The following FAM167A variants were observed in gnomAD, a reference collection of about 807,000 sequenced individuals.
FAM167A encodes family with sequence similarity 167 member A, also known as protein FAM167A.
A neutral mutation model predicts 14.9 loss-of-function variants in FAM167A; 23 were observed. The ratio of observed to expected loss-of-function variants is 1.55; its 90% CI spans 1.11 to 2.19. The LOEUF (loss-of-function observed/expected upper bound fraction) is 2.19, where lower values mean the gene tolerates loss of function less well. FAM167A is among the 30% of genes most tolerant of loss of function. The pLI is 0.00. For synonymous variants in FAM167A, 174 were observed against 117.7 expected, an observed-to-expected ratio of 1.48 and a Z score of -3.10; for missense variants, 401 against 281.5, an observed-to-expected ratio of 1.42 and a Z score of -3.04.
intron 2 of FAM167A, among the ~76,000 whole-genome samples, chr8:11,429,464 C>A (rs978871751): frequency 2.0e-5 from 3 of 152,190 alleles, no homozygotes; most frequent in Admixed American, 1.3e-4. Flanking sequence ...TGCCAAGGGG[C>A]CCCCTGGAGG....
Position 11,461,022 on chromosome 8 carries a change from T to C in FAM167A, c.-398+5604A>G, listed in dbSNP as rs1010276759. Among the ~76,000 whole-genome samples the C allele has an allele frequency of 7.2e-5, 11 of 152,374 alleles. 1 individual carries two copies. The East Asian group carries it at 2.1e-3, about 29-fold the overall frequency. On this transcript the variant is annotated intron_variant, in intron 1 of 2. Transcript: ENST00000284486. Reference sequence around the variant, plus strand: ...GAGCGCGGAAACCTTCCTTTTCATTTAGCCCGGTGAAAGAGGCTGCTGAGA... The same window carrying C: ...GAGCGCGGAAACCTTCCTTTTCATTCAGCCCGGTGAAAGAGGCTGCTGAGA...
At chr8:11,460,199 T>C (rs1352765223) in intron 1 of FAM167A, among the ~76,000 whole-genome samples, 1 of 152,218 alleles carries the variant, frequency 6.6e-6, no homozygotes, top group African/African-American at 2.4e-5. Context: ...CACCCGTAGA[T>C]TGCCCTAACA....
chr8:11,437,257 A>G (rs1302195590), intron 2 of FAM167A, among the ~76,000 whole-genome samples: 1 of 152,036 alleles, frequency 6.6e-6, no homozygotes, highest in Non-Finnish European at 1.5e-5. Context: ...CAGTTTTCTC[A>G]TCTGTGAAAT....
chr8:11,438,803 G>C (rs1324261229), intron 2 of FAM167A: 1 of 296,434 alleles, frequency 3.4e-6, no homozygotes, highest in Non-Finnish European at 6.6e-6. Flanking sequence ...AGAAGACTTA[G>C]CCTTGGGAGA....
chr8:11,469,106 T>G (rs1807873116), upstream of FAM167A, among the ~76,000 whole-genome samples: 2 of 152,202 alleles, frequency 1.3e-5, no homozygotes, highest in African/African-American at 4.8e-5. Context: ...TACTAACGAT[T>G]TAACGCTAAG....
chr8:11,438,105 G>T (rs1369158147), intron 2 of FAM167A: 10 of 456,476 alleles, frequency 2.2e-5, no homozygotes, highest in African/African-American at 2.0e-4. Context: ...CAGCACGGAA[G>T]CCAGGCGGCC....
chr8:11,434,891 GGA>G (rs1805894347), intron 2 of FAM167A: 4 of 384,302 alleles, frequency 1.0e-5, no homozygotes, highest in East Asian at 7.3e-5. Flanking sequence ...ATTCTGTGCC[GGA>G]GAGAGAGTGG....
chr8:11,452,510 T>C (rs1052493700), intron 1 of FAM167A, among the ~76,000 whole-genome samples: 4 of 152,116 alleles, frequency 2.6e-5, no homozygotes, highest in African/African-American at 9.7e-5. Context: ...AGAAAGAGCA[T>C]GAAGGAGTGA....
Position 11,444,227 on chromosome 8 carries a change from C to G in FAM167A, c.185G>C (p.Arg62Thr). ...RLEEHTWPFP[R>T]PAAEPQASLE... ...GCTCGCCTGTGGCTCCGCAGCCGGC[C>G]TCGGGAAGGGCCAGGTATGCTCCTC... The change falls in exon 2 of 3, where the codon AGG (arginine) becomes ACG (threonine). Residue 62 changes from arginine (R) to threonine (T), a missense_variant. Arg to Thr is a moderately conservative substitution (Grantham distance 71). Transcript: ENST00000284486. 6.2e-7 allele frequency: 1 copy of G among 1,612,276 alleles called. No homozygotes were observed. The highest frequency in any genetic ancestry group is 8.5e-7 in the Non-Finnish European group (1 of 1,179,816).
chr8:11,438,918 G>A (rs1233383975), intron 2 of FAM167A, among the ~76,000 whole-genome samples: 1 of 152,232 alleles, frequency 6.6e-6, no homozygotes, highest in African/African-American at 2.4e-5. Flanking sequence ...AAACAGTACA[G>A]CTGCCCTGTC....
rs1804742157 is a variant in FAM167A, at chr8:11,421,722, A to C, written c.*2651T>G. On this transcript the variant is annotated 3_prime_UTR_variant, in exon 3 of 3. Coordinates refer to ENST00000284486, the MANE Select transcript of FAM167A (RefSeq NM_053279.3). ...GCATCAAGACATGACCACGCATGGC[A>C]GTGTCGGTGGAGAGTTTGCGTTTTA... The C allele has an allele frequency of 5.0e-6, 2 of 398,922 alleles. No homozygotes were observed. The highest frequency in any genetic ancestry group is 4.1e-5 in the African/African-American group (2 of 48,612). 24.7% of individuals were successfully genotyped at this position (398,922 alleles called of 1,614,324 possible).
chr8:11,429,927 C>T (rs1409669524), intron 2 of FAM167A, among the ~76,000 whole-genome samples: 1 of 152,192 alleles, frequency 6.6e-6, no homozygotes, highest in African/African-American at 2.4e-5. Context: ...AAAATATGAA[C>T]TACGCTGGCC....
chr8:11,463,700 C>A (rs1344653152), intron 1 of FAM167A, among the ~76,000 whole-genome samples: 1 of 152,208 alleles, frequency 6.6e-6, no homozygotes, highest in Non-Finnish European at 1.5e-5. Context: ...ACCTTTGGAT[C>A]AGGATGCCCT....
chr8:11,457,071 G>GGGTATGGGCGGGGCTGGGTTAA (rs1807355448), intron 1 of FAM167A, among the ~76,000 whole-genome samples: 1 of 96,248 alleles, frequency 1.0e-5, no homozygotes. Context: ...GGCTGGGTTG[G>GGGTATGGGCGGGGCTGGGTTAA]GGAAGTGGGC....
intron 2 of FAM167A, among the ~76,000 whole-genome samples, chr8:11,429,587 A>T (rs1462365485): frequency 6.6e-6 from 1 of 152,222 alleles, no homozygotes; most frequent in Non-Finnish European, 1.5e-5. Context: ...TCTTACAAGG[A>T]AACTGTCTCA....
chr8:11,469,737 G>C (rs1354425047), upstream of FAM167A, among the ~76,000 whole-genome samples: 1 of 151,854 alleles, frequency 6.6e-6, no homozygotes, highest in African/African-American at 2.4e-5. Flanking sequence ...AGAAAACTCA[G>C]CTGGGCATGG....
At chr8:11,470,736 C>T (rs1210442282), upstream of FAM167A, among the ~76,000 whole-genome samples, 2 of 152,098 alleles carry the variant, frequency 1.3e-5, no homozygotes, top group South Asian at 4.2e-4. Context: ...GGCGACATCC[C>T]TGCCCTGCTC....
rs148795852 is a variant in FAM167A, at chr8:11,447,221, A to T, written c.-397-2413T>A. 2.5e-3 allele frequency among the ~76,000 whole-genome samples: 374 copies of T among 146,690 alleles called. 6 individuals are homozygous for T. Among genetic ancestry groups the T allele is most frequent in the Non-Finnish European group, 1.6e-3 (107 of 67,218 alleles). Reference sequence around the variant, plus strand: ...TTGAGACGGAGTTTTCACTCTTGTCACCCAGGCTGGAGTGCAATGGCGTGA... The same window carrying T: ...TTGAGACGGAGTTTTCACTCTTGTCTCCCAGGCTGGAGTGCAATGGCGTGA... On this transcript the variant is annotated intron_variant, in intron 1 of 2. Coordinates refer to ENST00000284486, the MANE Select transcript of FAM167A (RefSeq NM_053279.3).
chr8:11,440,487 T>C (rs1362901192), intron 2 of FAM167A, among the ~76,000 whole-genome samples: 1 of 152,226 alleles, frequency 6.6e-6, no homozygotes, highest in Non-Finnish European at 1.5e-5. Flanking sequence ...AGGCAATCAT[T>C]CTGCCTTTTA....
Sources: gnomAD v4.1 joint callset for allele counts (sites outside exome capture counted in the v4.1 genomes callset) on GRCh38, gnomAD v4.1.1 for gene constraint, MANE v1.5 for transcripts, NCBI Gene and HGNC (gene_info 2026-07-23, HGNC 2026-07-21) for gene names.